Variants in INPP5A observed in about 807,000 individuals in gnomAD.
The protein encoded by INPP5A is 43 kDa inositol polyphosphate 5-phophatase.
Under a neutral mutation model 65.2 loss-of-function variants are expected in INPP5A, and 14 were observed. The observed-to-expected ratio is 0.21, with a 90% confidence interval of 0.14 to 0.34. INPP5A has a LOEUF of 0.34. Among genes scored for constraint, INPP5A ranks in the 10% least tolerant of loss-of-function variants. The pLI is 1.00. For missense variants in INPP5A, 431 were observed against 545.6 expected (o/e 0.79, Z 2.09); for synonymous variants, 207 against 208.3 (o/e 0.99, Z 0.05).
intron 2 of INPP5A, among the ~76,000 whole-genome samples, chr10:132,615,138 G>T (rs766987691): frequency 3.4e-4 from 52 of 152,228 alleles, no homozygotes; most frequent in Non-Finnish European, 6.0e-4. Context: ...CCGAGTCTGG[G>T]CCTGGAGCTG....
chr10:132,633,013 T>TG (rs2072295066), intron 2 of INPP5A, among the ~76,000 whole-genome samples: 2 of 152,220 alleles, frequency 1.3e-5, no homozygotes, highest in South Asian at 4.1e-4. Context: ...CACCACTGCC[T>TG]GGGGAGTTGG....
At chr10:132,752,094 T>TGTCTGGGTGGAGGTGGGTGCCCAGGAGGC (rs1564999613) in intron 11 of INPP5A, among the ~76,000 whole-genome samples, 7 of 91,794 alleles carry the variant, frequency 7.6e-5, no homozygotes, top group Admixed American at 5.1e-4. Flanking sequence ...GCCCAGGAGG[T>TGTCTGGGTGGAGGTGGGTGCCCAGGAGGC]GTCTGGGTGG....
At chr10:132,553,562 C>G (rs546502651) in intron 1 of INPP5A, among the ~76,000 whole-genome samples, 1 of 144,220 alleles carries the variant, frequency 6.9e-6, no homozygotes, top group South Asian at 2.2e-4. Context: ...TGAACGCCTT[C>G]TCAGAGCCTT....
rs796168660 is a variant in INPP5A, at chr10:132,546,586, C to T, written c.75+8415C>T. On this transcript the variant is annotated intron_variant, in intron 1 of 15. Coordinates refer to ENST00000368594, the MANE Select transcript of INPP5A (RefSeq NM_005539.5). The surrounding 1 kb of genome is among the most constrained non-coding windows in gnomAD (Gnocchi z 5.7). ...GTGTAAGGGCTTAGTAGGGCTGCCT[C>T]GGCTGCTGGGGCAGCTTTCCCCGGC... 7.9e-5 allele frequency among the ~76,000 whole-genome samples: 12 copies of T among 152,262 alleles called. No homozygotes were observed. The highest frequency in any genetic ancestry group is 2.6e-4 in the African/African-American group (11 of 41,564).
intron 1 of INPP5A, among the ~76,000 whole-genome samples, chr10:132,602,185 A>C (rs1190061480): frequency 6.6e-6 from 1 of 152,148 alleles, no homozygotes; most frequent in Non-Finnish European, 1.5e-5. Flanking sequence ...GTTTATTTCT[A>C]AGTTTTTTAT....
Position 132,769,338 on chromosome 10 carries a change from A to G in INPP5A, c.977+3492A>G, listed in dbSNP as rs529687310. 3.7e-3 allele frequency among the ~76,000 whole-genome samples: 571 copies of G among 152,284 alleles called. 2 individuals carry two copies. The highest frequency in any genetic ancestry group is 0.01 in the Middle Eastern group (3 of 294). Reference sequence around the variant, plus strand: ...GACAGCCACAAAAGTGACCTGTTTGAGGCGGTCAGGAGCAGGAGAGTGAGC... The same window carrying G: ...GACAGCCACAAAAGTGACCTGTTTGGGGCGGTCAGGAGCAGGAGAGTGAGC... On this transcript the variant is annotated intron_variant, in intron 12 of 15. Transcript: ENST00000368594.
chr10:132,584,850 A>T (rs1265519271), intron 1 of INPP5A, among the ~76,000 whole-genome samples: 5 of 152,220 alleles, frequency 3.3e-5, no homozygotes, highest in African/African-American at 1.2e-4. Flanking sequence ...ATCCTGCCTC[A>T]GCCTCCCAAG....
chr10:132,546,980 G>A lies in INPP5A; in HGVS notation c.75+8809G>A, dbSNP rs2070982626. Among the ~76,000 whole-genome samples the A allele has an allele frequency of 1.3e-5, 2 of 152,182 alleles. No individual in the cohort carries two copies. Among genetic ancestry groups the A allele is most frequent in the Admixed American group, 6.5e-5 (1 of 15,286 alleles). On this transcript the variant is annotated intron_variant, in intron 1 of 15. Coordinates refer to ENST00000368594, the MANE Select transcript of INPP5A (RefSeq NM_005539.5). The surrounding 1 kb of genome is among the most constrained non-coding windows in gnomAD (Gnocchi z 5.7). ...TGCCGCAGACAGCCTTCCTTTCTGC[G>A]TCCTCCCCTCTCGGGGTCCCGCATG... is the stretch of plus-strand genomic sequence containing the variant.
chr10:132,590,859 G>A (rs1433041168), intron 1 of INPP5A, among the ~76,000 whole-genome samples: 1 of 152,098 alleles, frequency 6.6e-6, no homozygotes, highest in Non-Finnish European at 1.5e-5. Flanking sequence ...TCGCTCCGTG[G>A]TTAGCTGTGT....
At chr10:132,586,846 ACGGTTCTCT>A (rs2071551461) in intron 1 of INPP5A, among the ~76,000 whole-genome samples, 3 of 152,126 alleles carry the variant, frequency 2.0e-5, no homozygotes, top group Admixed American at 6.5e-5. Context: ...CGGCGAGGCC[ACGGTTCTCT>A]CCTGCGCGTC....
Position 132,705,300 on chromosome 10 carries a change from C to T in INPP5A, c.475-3013C>T, listed in dbSNP as rs1171286781. On this transcript the variant is annotated intron_variant, in intron 6 of 15. Coordinates refer to ENST00000368594, the MANE Select transcript of INPP5A (RefSeq NM_005539.5). This position sits in a 1 kb window ranked among gnomAD's most constrained non-coding sequence, Gnocchi z 4.9. ...TCAGAGACAAGTGTCTGGTGCAGCA[C>T]GCAGGGAGCCTGCCACCCCGCCACC... Among the ~76,000 whole-genome samples, 2 of 152,196 alleles carry T rather than the reference C, an allele frequency of 1.3e-5. No individual in the cohort carries two copies. Among genetic ancestry groups the T allele is most frequent in the African/African-American group, 2.4e-5 (1 of 41,448 alleles).
chr10:132,765,331 T>C (rs1351294400), intron 11 of INPP5A, among the ~76,000 whole-genome samples: 1 of 152,216 alleles, frequency 6.6e-6, no homozygotes, highest in Admixed American at 6.5e-5. Context: ...GTGTGCACCT[T>C]GGGGCCATTT....
chr10:132,779,230 A>G (rs999989272), intron 13 of INPP5A, among the ~76,000 whole-genome samples: 2 of 152,130 alleles, frequency 1.3e-5, no homozygotes, highest in African/African-American at 4.8e-5. Flanking sequence ...CTGGCTGTGG[A>G]CCTGCCACTG....
intron 1 of INPP5A, among the ~76,000 whole-genome samples, chr10:132,602,247 GTTCA>G (rs1188516673): frequency 6.6e-6 from 1 of 152,052 alleles, no homozygotes; most frequent in Admixed American, 6.6e-5. Context: ...TTTTCACATT[GTTCA>G]TTGTTAGTGT....
chr10:132,744,030 C>T (rs149753445), intron 9 of INPP5A, among the ~76,000 whole-genome samples: 1 of 152,340 alleles, frequency 6.6e-6, no homozygotes, highest in East Asian at 1.9e-4. Flanking sequence ...TGTCTTGCGA[C>T]ACTTAAGGGC....
intron 6 of INPP5A, among the ~76,000 whole-genome samples, chr10:132,701,981 G>A (rs1053753820): frequency 6.6e-6 from 1 of 152,240 alleles, no homozygotes; most frequent in African/African-American, 2.4e-5. Flanking sequence ...CGCCCTCTGT[G>A]AGGACTCTCC....
At chr10:132,720,957 C>T (rs1420788571) in intron 8 of INPP5A, among the ~76,000 whole-genome samples, 8 of 138,500 alleles carry the variant, frequency 5.8e-5, no homozygotes, top group East Asian at 4.6e-4. Context: ...GCGCCTTAGA[C>T]GGCTGTCTTG....
chr10:132,773,723 A>G (rs1846995814), intron 12 of INPP5A, among the ~76,000 whole-genome samples: 1 of 152,196 alleles, frequency 6.6e-6, no homozygotes, highest in African/African-American at 2.4e-5. Flanking sequence ...GAGGCCTGCC[A>G]AGGGTTCTGG....
chr10:132,594,093 CAT>C (rs1222284031), intron 1 of INPP5A, among the ~76,000 whole-genome samples: 5 of 152,180 alleles, frequency 3.3e-5, no homozygotes, highest in South Asian at 2.1e-4. Context: ...TGAGTGCACA[CAT>C]GAGGCTGGTT....
Sources: gnomAD v4.1 joint callset for allele counts (sites outside exome capture counted in the v4.1 genomes callset) on GRCh38, gnomAD v4.1.1 for gene constraint, Gnocchi (gnomAD v3.1) non-coding constraint, MANE v1.5 for transcripts, NCBI Gene and HGNC (gene_info 2026-07-23, HGNC 2026-07-21) for gene names.